Variants in STXBP5 observed in about 807,000 individuals in gnomAD.
STXBP5 encodes the protein syntaxin-binding protein 5.
A neutral mutation model predicts 152.4 loss-of-function variants in STXBP5; 50 were observed. The observed-to-expected ratio is 0.33, with a 90% CI of 0.26 to 0.42. The LOEUF (loss-of-function observed/expected upper bound fraction) is 0.42, where lower values mean the gene tolerates loss of function less well. STXBP5 is among the 10% of genes least tolerant of loss of function. STXBP5 has a pLI of 1.00. For synonymous variants in STXBP5, 492 were observed against 494.7 expected, an observed-to-expected ratio of 0.99 and a Z score of 0.07; for missense variants, 1,167 against 1,388.6, an observed-to-expected ratio of 0.84 and a Z score of 2.54.
At chr6:147,301,381 C>G (rs560518276) in intron 9 of STXBP5, among the ~76,000 whole-genome samples, 2 of 152,064 alleles carry the variant, frequency 1.3e-5, no homozygotes, top group African/African-American at 4.8e-5. Flanking sequence ...CTTGGTCTTA[C>G]GTCTGTTAAG....
At chr6:147,282,108 T>C (rs531107234) in intron 8 of STXBP5, among the ~76,000 whole-genome samples, 2 of 152,204 alleles carry the variant, frequency 1.3e-5, no homozygotes, top group African/African-American at 4.8e-5. Flanking sequence ...GTGCTATTCA[T>C]ATATGGCTCT....
chr6:147,373,657 A>G (rs1272411875), intron 25 of STXBP5, 74 bp from the exon 26 acceptor site: 4 of 1,036,784 alleles, frequency 3.9e-6, no homozygotes, highest in Non-Finnish European at 6.0e-6. Context: ...TAAGGAGTTT[A>G]CAGTGATACT....
chr6:147,213,481 C>CGCGT (rs1446493181), intron 2 of STXBP5, among the ~76,000 whole-genome samples: 39 of 116,706 alleles, frequency 3.3e-4, no homozygotes, highest in African/African-American at 1.5e-3. Context: ...TGTGTGTGCG[C>CGCGT]GCGCATATAT....
At chr6:147,225,632 T>A (rs1777671751) in intron 2 of STXBP5, among the ~76,000 whole-genome samples, 1 of 152,214 alleles carries the variant, frequency 6.6e-6, no homozygotes, top group Non-Finnish European at 1.5e-5. Context: ...GTTGTCAGAA[T>A]ATGTGTGTCA....
chr6:147,272,097 C>T (rs906925772), intron 7 of STXBP5, among the ~76,000 whole-genome samples: 2 of 152,104 alleles, frequency 1.3e-5, no homozygotes, highest in East Asian at 3.9e-4. Context: ...CTAAGTAGCT[C>T]TGTAATTTAA....
chr6:147,230,876 A>G (rs1777967214), intron 2 of STXBP5, among the ~76,000 whole-genome samples: 1 of 151,852 alleles, frequency 6.6e-6, no homozygotes, highest in South Asian at 2.1e-4. Flanking sequence ...GAGATAATAC[A>G]TATGTAGTAG....
chr6:147,372,837 T>TA (rs981377659), intron 25 of STXBP5, among the ~76,000 whole-genome samples: 44 of 152,216 alleles, frequency 2.9e-4, no homozygotes, highest in African/African-American at 7.2e-4. Flanking sequence ...TTCTGCACTC[T>TA]AAAAAATATT....
chr6:147,372,340 A>C (rs1785579461), intron 25 of STXBP5, among the ~76,000 whole-genome samples: 2 of 148,224 alleles, frequency 1.3e-5, no homozygotes, highest in Admixed American at 1.4e-4. Context: ...TTTTATTCCA[A>C]CTATAATGAT....
At chr6:147,305,013 C>T (rs1234393155) in intron 9 of STXBP5, among the ~76,000 whole-genome samples, 2 of 152,120 alleles carry the variant, frequency 1.3e-5, no homozygotes, top group Non-Finnish European at 2.9e-5. Context: ...TCACATTCCC[C>T]CCACAAACCC....
intron 3 of STXBP5, among the ~76,000 whole-genome samples, chr6:147,236,845 C>T (rs1244405705): frequency 6.8e-6 from 1 of 147,586 alleles, no homozygotes; most frequent in Non-Finnish European, 1.5e-5. Flanking sequence ...ATGGCGTGGT[C>T]TTGACTCACT....
rs746797063 is a variant in STXBP5, at chr6:147,310,156, G to A, written c.990G>A (p.Met330Ile). 7.5e-6 allele frequency: 12 copies of A among 1,605,770 alleles called. No homozygotes were observed. The highest frequency in any genetic ancestry group is 6.9e-5 in the Admixed American group (4 of 57,566). Residue 330 changes from methionine to isoleucine, a missense_variant, in exon 10 of 28, where the codon ATG becomes ATA. Physicochemically the swap from Met to Ile is conservative, Grantham distance 10. Coordinates refer to ENST00000321680, the MANE Select transcript of STXBP5 (RefSeq NM_001127715.4). ...GAAGAAGACCTTGCTTAACAGTGAT[G>A]CATGGGAAAAGCACTGCTGTGCTAG... ...TVGRRPCLTV[M>I]HGKSTAVLEM...
chr6:147,225,502 C>G (rs1011694757), intron 2 of STXBP5, among the ~76,000 whole-genome samples: 1 of 151,986 alleles, frequency 6.6e-6, no homozygotes, highest in South Asian at 2.1e-4. Flanking sequence ...TGCCTTGTTC[C>G]TCATTGAAAA....
chr6:147,352,902 C>T (rs564324762), intron 21 of STXBP5, among the ~76,000 whole-genome samples: 188 of 152,224 alleles, frequency 1.2e-3, no homozygotes, highest in African/African-American at 4.4e-3. Flanking sequence ...TGGTGGCTCA[C>T]GCATGTAATC....
Position 147,386,522 on chromosome 6 carries a change from A to G in STXBP5, c.*1767A>G, listed in dbSNP as rs1350530443. The G allele has an allele frequency of 6.6e-6, 1 of 151,804 alleles. No homozygotes were observed. Among genetic ancestry groups the G allele is most frequent in the Non-Finnish European group, 1.5e-5 (1 of 67,798 alleles). The allele number at this position is 151,804 out of a possible 1,614,324, so 9.4% of individuals were successfully genotyped here. A position where few individuals can be genotyped will look rare whatever the true frequency, so the allele number is the denominator to read the frequency against. ...GGTAGGGACTAAATGTGTGTGATAG[A>G]GATAATTGATCAAGCCAAAAGAAAT... On this transcript the variant is annotated 3_prime_UTR_variant, in exon 28 of 28. Coordinates refer to ENST00000321680, the MANE Select transcript of STXBP5 (RefSeq NM_001127715.4).
intron 18 of STXBP5, among the ~76,000 whole-genome samples, chr6:147,331,239 T>C (rs1783552912): frequency 6.6e-6 from 1 of 152,238 alleles, no homozygotes; most frequent in Non-Finnish European, 1.5e-5. Flanking sequence ...GAGGTAGCTA[T>C]TGCATTTGAT....
intron 7 of STXBP5, among the ~76,000 whole-genome samples, chr6:147,268,639 G>C (rs17076675): frequency 2.1e-4 from 32 of 152,208 alleles, no homozygotes; most frequent in African/African-American, 7.5e-4. Flanking sequence ...GTGTAGTTGT[G>C]ATCTGTAGTT....
Position 147,234,680 on chromosome 6 carries a change from C to G in STXBP5, c.249-570C>G, listed in dbSNP as rs116522499. Among the ~76,000 whole-genome samples, 368 of 151,910 alleles carry G rather than the reference C, an allele frequency of 2.4e-3. 2 individuals carry two copies. The highest frequency in any genetic ancestry group is 8.4e-3 in the African/African-American group (348 of 41,510). On this transcript the variant is annotated intron_variant, in intron 2 of 27. Coordinates refer to ENST00000321680, the MANE Select transcript of STXBP5 (RefSeq NM_001127715.4). ...CAATTCATTTTAATCAGTATCCATG[C>G]CTGTAGTAAAAGATTGACACGTTCA...
At chr6:147,331,320 A>C (rs1184925210) in intron 18 of STXBP5, among the ~76,000 whole-genome samples, 1 of 152,228 alleles carries the variant, frequency 6.6e-6, no homozygotes, top group East Asian at 1.9e-4. Flanking sequence ...ATTGAGATTT[A>C]TCAACAATAC....
intron 2 of STXBP5, among the ~76,000 whole-genome samples, chr6:147,207,229 T>C (rs1027857980): frequency 1.2e-4 from 18 of 152,138 alleles, no homozygotes; most frequent in African/African-American, 4.3e-4. Context: ...TATATATATG[T>C]ATAGATAGAT....
Sources: allele counts gnomAD v4.1 joint callset (sites outside exome capture counted in the v4.1 genomes callset), GRCh38; gene constraint gnomAD v4.1.1; transcripts MANE v1.5; gene names NCBI Gene and HGNC (gene_info 2026-07-23, HGNC 2026-07-21).